Variants in TENM4 observed in about 807,000 individuals in gnomAD.
TENM4 encodes the protein teneurin transmembrane protein 4.
A neutral mutation model predicts 243.3 loss-of-function variants in TENM4; 82 were observed. That is an observed-to-expected ratio of 0.34 (90% CI 0.28 to 0.40). TENM4 has a LOEUF of 0.40. Among genes scored for constraint, TENM4 ranks in the 10% least tolerant of loss-of-function variants. TENM4 has a pLI of 1.00. For synonymous variants in TENM4, 1,412 were observed against 1,456.3 expected, an observed-to-expected ratio of 0.97 and a Z score of 0.69; for missense variants, 3,138 against 3,673.3, an observed-to-expected ratio of 0.85 and a Z score of 3.77.
intron 7 of TENM4, among the ~76,000 whole-genome samples, chr11:78,896,505 G>T (rs1170292155): frequency 6.6e-6 from 1 of 152,076 alleles, no homozygotes; most frequent in African/African-American, 2.4e-5. Context: ...GGCCCACAGG[G>T]AAAAGTACAA....
chr11:78,955,459 CA>C (rs1857189442), intron 6 of TENM4, among the ~76,000 whole-genome samples: 1 of 152,184 alleles, frequency 6.6e-6, no homozygotes, highest in Non-Finnish European at 1.5e-5. Flanking sequence ...ACCATTTCAA[CA>C]GGGTCACAAA....
chr11:79,325,413 C>A (rs1037376121), intron 1 of TENM4, among the ~76,000 whole-genome samples: 9 of 152,110 alleles, frequency 5.9e-5, no homozygotes, highest in Admixed American at 3.3e-4. Flanking sequence ...ATGAAAAGAC[C>A]CCAAAATTTC....
chr11:78,791,702 A>G (rs1351084907), intron 15 of TENM4, among the ~76,000 whole-genome samples: 1 of 152,240 alleles, frequency 6.6e-6, no homozygotes, highest in Non-Finnish European at 1.5e-5. Flanking sequence ...AGCTTCTAAC[A>G]TAGTGCCTGG....
chr11:78,838,777 A>G (rs1858181602), intron 12 of TENM4, among the ~76,000 whole-genome samples: 1 of 152,130 alleles, frequency 6.6e-6, no homozygotes, highest in South Asian at 2.1e-4. Context: ...TTTTTAAGGG[A>G]AGCCATAAAC....
chr11:78,684,119 G>A (rs893775077), intron 29 of TENM4, among the ~76,000 whole-genome samples: 2 of 152,220 alleles, frequency 1.3e-5, no homozygotes, highest in African/African-American at 4.8e-5. Context: ...TGCAGCTGAG[G>A]GGTGTGGGAG....
intron 6 of TENM4, among the ~76,000 whole-genome samples, chr11:78,916,928 T>C (rs1300935280): frequency 6.6e-6 from 1 of 152,220 alleles, no homozygotes; most frequent in Non-Finnish European, 1.5e-5. Flanking sequence ...AAGCTTCTGA[T>C]TGCTCTTTCT....
intron 2 of TENM4, among the ~76,000 whole-genome samples, chr11:79,242,854 T>G (rs1462160425): frequency 6.6e-6 from 1 of 152,238 alleles, no homozygotes; most frequent in Non-Finnish European, 1.5e-5. Context: ...TTGAGGCTCT[T>G]GAGTCTTATT....
chr11:78,937,211 C>G (rs1346427672), intron 6 of TENM4, among the ~76,000 whole-genome samples: 1 of 152,130 alleles, frequency 6.6e-6, no homozygotes. Flanking sequence ...TAGATACCCA[C>G]TCTCCCAGTG....
chr11:79,011,625 AACAGGGGTCTGC>A (rs1262459380), intron 6 of TENM4, among the ~76,000 whole-genome samples: 2 of 152,208 alleles, frequency 1.3e-5, no homozygotes, highest in Non-Finnish European at 2.9e-5. Context: ...TTGGAACCCC[AACAGGGGTCTGC>A]ACCCCCGCTG....
chr11:78,924,499 A>C (rs2136397492), intron 6 of TENM4: 1 of 152,348 alleles, frequency 6.6e-6, no homozygotes, highest in Non-Finnish European at 1.5e-5. Context: ...TCTACCACTT[A>C]CAGCAGTACA....
chr11:78,759,134 A>C (rs1856379227), intron 18 of TENM4, among the ~76,000 whole-genome samples: 1 of 152,102 alleles, frequency 6.6e-6, no homozygotes, highest in Non-Finnish European at 1.5e-5. Flanking sequence ...TGAGATACGG[A>C]AGGAATGCCT....
At chr11:79,034,258 C>T (rs1444046794) in intron 6 of TENM4, among the ~76,000 whole-genome samples, 1 of 152,192 alleles carries the variant, frequency 6.6e-6, no homozygotes, top group Non-Finnish European at 1.5e-5. Context: ...AAAACTACCA[C>T]CCTGAAGTGT....
At chr11:79,170,464 G>T (rs1218039209) in intron 3 of TENM4, among the ~76,000 whole-genome samples, 2 of 152,182 alleles carry the variant, frequency 1.3e-5, no homozygotes, top group African/African-American at 4.8e-5. Flanking sequence ...GGAAACAGGG[G>T]CATTGCAGAT....
chr11:78,881,595 C>T (rs949106153), intron 9 of TENM4, among the ~76,000 whole-genome samples: 1 of 152,136 alleles, frequency 6.6e-6, no homozygotes, highest in Non-Finnish European at 1.5e-5. Flanking sequence ...TGACACACTG[C>T]CCTCACTTTT....
At chr11:78,827,950 T>A (rs1857894987) in intron 12 of TENM4, among the ~76,000 whole-genome samples, 1 of 152,224 alleles carries the variant, frequency 6.6e-6, no homozygotes, top group African/African-American at 2.4e-5. Flanking sequence ...ATGGCTGTTT[T>A]CCCCTAGTAG....
rs1024045091 is a variant in TENM4 at position 79,331,981 on chromosome 11, A to G, written c.-320-34438T>C. On this transcript the variant is annotated intron_variant, in intron 1 of 33. Coordinates refer to ENST00000278550, the MANE Select transcript of TENM4 (RefSeq NM_001098816.3). The stretch of plus-strand genomic sequence containing the variant: ...CAGCACAAATCTAATCAGCCAGAGG[A>G]GACAATGATTTGCATTACAAGAGGA... Among the ~76,000 whole-genome samples the G allele has an allele frequency of 5.3e-5, 8 of 152,248 alleles. No individual in the cohort carries two copies. In the South Asian group the frequency reaches 1.7e-3, roughly 32 times the overall value.
At chr11:79,274,736 G>A (rs991162912) in intron 2 of TENM4, among the ~76,000 whole-genome samples, 1 of 152,156 alleles carries the variant, frequency 6.6e-6, no homozygotes, top group South Asian at 2.1e-4. Flanking sequence ...TGTAACAGTG[G>A]AAGCCTGTTG....
rs529851056 is a variant in TENM4, at chr11:78,899,562, G to A, written c.749+3706C>T. ...CACTGCACTCTGTCTCAAAAAGCGG[G>A]GGGGGGGGGAAAAAGAAAAAAGAAA... is the stretch of plus-strand genomic sequence containing the variant. On this transcript the variant is annotated intron_variant, in intron 7 of 33. Coordinates refer to ENST00000278550, the MANE Select transcript of TENM4 (RefSeq NM_001098816.3). Among the ~76,000 whole-genome samples, 115 of 135,354 alleles carry A rather than the reference G, an allele frequency of 8.5e-4. 6 individuals are homozygous for A. Among genetic ancestry groups the A allele is most frequent in the African/African-American group, 3.0e-3 (108 of 35,792 alleles). The allele number at this position is 135,354 out of a possible 152,430, so 88.8% of individuals were successfully genotyped here.
chr11:78,897,203 C>T (rs1855818688), intron 7 of TENM4, among the ~76,000 whole-genome samples: 1 of 152,158 alleles, frequency 6.6e-6, no homozygotes, highest in African/African-American at 2.4e-5. Context: ...TTGTCACAAC[C>T]TGTTGCTGGG....
Sources: allele counts gnomAD v4.1 joint callset (sites outside exome capture counted in the v4.1 genomes callset), GRCh38; gene constraint gnomAD v4.1.1; transcripts MANE v1.5; gene names NCBI Gene and HGNC (gene_info 2026-07-23, HGNC 2026-07-21).